HERC2: variants seen among roughly 807,000 people sequenced by gnomAD.
HERC2 encodes E3 ubiquitin-protein ligase HERC2.
A neutral mutation model predicts 537.7 loss-of-function variants in HERC2; 102 were observed. The observed-to-expected ratio is 0.19, with a 90% CI of 0.16 to 0.22. HERC2 has a LOEUF of 0.22. Ranked by LOEUF, HERC2 falls within the 10% of genes least tolerant of loss-of-function variation. The probability of loss-of-function intolerance (pLI) is 1.00; values close to 1 mark genes in which losing one functional copy is unlikely to be tolerated. For missense variants in HERC2, 4,236 were observed against 6,198.2 expected, an observed-to-expected ratio of 0.68 and a Z score of 10.63; for synonymous variants, 2,224 against 2,466.2, an observed-to-expected ratio of 0.90 and a Z score of 2.91.
At chr15:28,247,071 G>A (rs551795279) in intron 21 of HERC2, among the ~76,000 whole-genome samples, 174 bp from the exon 22 acceptor site, 86 of 152,214 alleles carry the variant, frequency 5.6e-4, no homozygotes, top group African/African-American at 2.0e-3. Context: ...GTGACTGGAG[G>A]GACAGGGTTT....
chr15:28,114,612 C>T lies in HERC2; in HGVS notation c.13913G>A (p.Arg4638Lys). ...GCAACAGAGACGGATGACCACCAACCTATAGTTTATCGCCAGCCGCACGTA... is the reference window on the plus strand; with the variant it reads ...GCAACAGAGACGGATGACCACCAACTTATAGTTTATCGCCAGCCGCACGTA... ...AEYVRLAINY[R>K]LHEFDEQVAA... The change falls in exon 90 of 93, where the codon AGA (arginine) becomes AAA (lysine). Residue 4638 changes from arginine (R) to lysine (K), a missense_variant and splice_region_variant. Physicochemically the swap from Arg to Lys is conservative, Grantham distance 26 (BLOSUM62 2). This residue lies in a region of HERC2 where 313 missense variants were observed against 462.6 expected (regional missense o/e 0.68). Transcript: ENST00000261609. 6.2e-7 allele frequency: 1 copy of T among 1,612,950 alleles called. No individual in the cohort carries two copies. Among genetic ancestry groups the T allele is most frequent in the South Asian group, 1.1e-5 (1 of 91,030 alleles).
chr15:28,192,616 G>T (rs1371913216), intron 52 of HERC2, among the ~76,000 whole-genome samples: 1 of 152,104 alleles, frequency 6.6e-6, no homozygotes, highest in East Asian at 1.9e-4. Flanking sequence ...AATTCTCTTC[G>T]AACTATCAGA....
intron 44 of HERC2, among the ~76,000 whole-genome samples, chr15:28,207,346 G>A (rs573385480): frequency 6.6e-6 from 1 of 152,130 alleles, no homozygotes; most frequent in Non-Finnish European, 1.5e-5. Context: ...ATGTTGGCCA[G>A]GCTGGTCTCG....
rs753637558 is a variant in HERC2, at chr15:28,177,556, A to G, written c.9164-47T>C. The G allele has an allele frequency of 2.6e-6, 4 of 1,562,104 alleles. No individual in the cohort carries two copies. The Admixed American group carries it at 5.0e-5, about 20-fold the overall frequency. On this transcript the variant is annotated intron_variant, in intron 59 of 92. Coordinates refer to ENST00000261609, the MANE Select transcript of HERC2 (RefSeq NM_004667.6). The surrounding 1 kb of genome is among the most constrained non-coding windows in gnomAD (Gnocchi z 5.0). ...GGATTGCCAAAGGGCAGGGAACAGA[A>G]AGCCCACAGCATAGCTAGCTCCCTA...
At chr15:28,311,064 G>A (rs1235605092) in intron 2 of HERC2, among the ~76,000 whole-genome samples, 1 of 123,712 alleles carries the variant, frequency 8.1e-6, no homozygotes, top group Non-Finnish European at 1.6e-5. Flanking sequence ...GTGACAGAGT[G>A]GGACTGCATC....
intron 69 of HERC2, among the ~76,000 whole-genome samples, chr15:28,162,478 A>G (rs1893704016): frequency 6.6e-6 from 1 of 152,270 alleles, no homozygotes; most frequent in Non-Finnish European, 1.5e-5. Flanking sequence ...CTACATGGCA[A>G]AAAATATCAA....
At position 28,130,307 on chromosome 15, in the gene HERC2, A is replaced by G. The variant is rs781400626; in HGVS notation, c.12663-5T>C. ...CTGTGATAATCGCCTTTGCCCCTGC[A>G]CACAAAGGAAGCATGGAAATTATGG... is the stretch of plus-strand genomic sequence containing the variant. On this transcript the variant is annotated splice_polypyrimidine_tract_variant and splice_region_variant and intron_variant, in intron 82 of 92. Coordinates refer to ENST00000261609, the MANE Select transcript of HERC2 (RefSeq NM_004667.6). 1.9e-6 allele frequency: 3 copies of G among 1,613,994 alleles called. No homozygotes were observed. In the African/African-American group the frequency reaches 4.0e-5, roughly 22 times the overall value.
At chr15:28,271,564 G>A (rs1026964043) in intron 9 of HERC2, among the ~76,000 whole-genome samples, 3 of 152,076 alleles carry the variant, frequency 2.0e-5, no homozygotes, top group Non-Finnish European at 4.4e-5. Flanking sequence ...AGCTACTCGG[G>A]AGGCTGAGGC....
chr15:28,282,801 G>T (rs1356481244), intron 4 of HERC2, among the ~76,000 whole-genome samples: 1 of 151,832 alleles, frequency 6.6e-6, no homozygotes. Context: ...GCATGGTGGC[G>T]GGCACCTATA....
intron 2 of HERC2, among the ~76,000 whole-genome samples, chr15:28,307,220 A>AT (rs1567147116): frequency 6.6e-6 from 1 of 152,228 alleles, no homozygotes; most frequent in African/African-American, 2.4e-5. Context: ...AATTTCTGCA[A>AT]TATCAGTTGT....
At chr15:28,244,094 GT>G (rs2140772603) in intron 23 of HERC2, among the ~76,000 whole-genome samples, 1 of 152,192 alleles carries the variant, frequency 6.6e-6, no homozygotes, top group Admixed American at 6.5e-5. Flanking sequence ...AGCCGGGGAG[GT>G]CAAGGCTACA....
chr15:28,160,991 A>T (rs1286980578), intron 69 of HERC2, among the ~76,000 whole-genome samples: 3 of 152,208 alleles, frequency 2.0e-5, no homozygotes. Context: ...CCTTGATTTC[A>T]TCTCTTAGAA....
chr15:28,135,429 A>G, intron 79 of HERC2, 49 bp downstream of exon 79: 2 of 1,472,308 alleles, frequency 1.4e-6, no homozygotes, highest in Non-Finnish European at 9.5e-7. Flanking sequence ...ATTAAAACAA[A>G]CAAAAACAAA....
chr15:28,260,441 C>T lies in HERC2; in HGVS notation c.2316+336G>A, dbSNP rs544630715. ...TGATGGTGAAAGACTGAACTGCCTT[C>T]CCCTACAGTCAGGATCAAGGCAGGG... On this transcript the variant is annotated intron_variant, in intron 16 of 92. Transcript: ENST00000261609. Among the ~76,000 whole-genome samples the T allele has an allele frequency of 2.0e-5, 3 of 152,316 alleles. No homozygotes were observed. In the East Asian group the frequency reaches 5.8e-4, roughly 29 times the overall value.
At chr15:28,222,736 C>T (rs1053172873) in intron 35 of HERC2, among the ~76,000 whole-genome samples, 1 of 152,074 alleles carries the variant, frequency 6.6e-6, no homozygotes, top group Non-Finnish European at 1.5e-5. Context: ...GTTCCCTGTG[C>T]CTGAACTGTC....
Position 28,296,689 on chromosome 15 carries a change from T to TA in HERC2, c.187+2712dup, listed in dbSNP as rs4035974. 4.9e-4 allele frequency among the ~76,000 whole-genome samples: 57 copies of TA among 115,212 alleles called. No homozygotes were observed. The South Asian group carries it at 7.3e-3, about 15-fold the overall frequency. 75.6% of individuals were successfully genotyped at this position (115,212 alleles called of 152,430 possible). On this transcript the variant is annotated intron_variant, in intron 3 of 92. Coordinates refer to ENST00000261609, the MANE Select transcript of HERC2 (RefSeq NM_004667.6). ...ATATACAGAATGAATTACTGATACA[T>TA]AAAAAAAAAAAAAAAAAAAGGTTGC...
chr15:28,284,387 C>T (rs559177595), intron 4 of HERC2, among the ~76,000 whole-genome samples: 23 of 151,680 alleles, frequency 1.5e-4, no homozygotes, highest in Middle Eastern at 3.4e-3. Flanking sequence ...AGTGTTAAGC[C>T]TCAGTTTACT....
intron 37 of HERC2, among the ~76,000 whole-genome samples, chr15:28,220,073 C>A (rs1900359507): frequency 6.6e-6 from 1 of 152,176 alleles, no homozygotes; most frequent in African/African-American, 2.4e-5. Context: ...GAGGAGGAGG[C>A]AATGGACCGA....
At position 28,176,061 on chromosome 15, in the gene HERC2, TA is replaced by T. The variant is rs1278253118; in HGVS notation, c.9686+366del. ...AGGCACCTGCTCTTTTGCATATTAA[TA>T]AAATAAGCTTTTACAAGAAACACAT... On this transcript the variant is annotated intron_variant, in intron 63 of 92. Transcript: ENST00000261609. This position sits in a 1 kb window ranked among gnomAD's most constrained non-coding sequence, Gnocchi z 5.0. 8.5e-5 allele frequency among the ~76,000 whole-genome samples: 13 copies of T among 152,322 alleles called. No homozygotes were observed. The highest frequency in any genetic ancestry group is 3.4e-3 in the Middle Eastern group (1 of 294).
Sources: gnomAD v4.1 joint callset for allele counts (sites outside exome capture counted in the v4.1 genomes callset) on GRCh38, gnomAD v4.1.1 for gene constraint, gnomAD v4.1.1 regional missense constraint, Gnocchi (gnomAD v3.1) non-coding constraint, MANE v1.5 for transcripts, NCBI Gene and HGNC (gene_info 2026-07-23, HGNC 2026-07-21) for gene names.